Variants in PPAT observed in about 807,000 individuals in gnomAD.
PPAT encodes the protein phosphoribosyl pyrophosphate amidotransferase.
In PPAT, 20 loss-of-function variants were observed where a neutral mutation model predicts 60.2. The observed-to-expected ratio is 0.33, with a 90% CI of 0.23 to 0.48. The LOEUF (loss-of-function observed/expected upper bound fraction) is 0.48. PPAT is among the 20% of genes least tolerant of loss of function. The pLI, the probability that PPAT is intolerant of heterozygous loss-of-function variation, is 0.99. For missense variants in PPAT, 349 were observed against 629.6 expected (o/e 0.55, Z 4.77); for synonymous variants, 194 against 215.1 (o/e 0.90, Z 0.86).
chr4:56,421,838 T>C, intron 1 of PPAT: 1 of 152,192 alleles, frequency 6.6e-6, no homozygotes, highest in Non-Finnish European at 1.5e-5. Flanking sequence ...CCATTAGTTA[T>C]GTCAGAAGAC....
chr4:56,410,192 T>C (rs1330584816), intron 1 of PPAT, among the ~76,000 whole-genome samples: 2 of 152,196 alleles, frequency 1.3e-5, no homozygotes, highest in African/African-American at 2.4e-5. Context: ...TTCAAAACAA[T>C]TTTTAAAAAT....
rs1160095316 is a variant in PPAT at position 56,406,576 on chromosome 4, G to C, written c.321C>G (p.Pro107=). 2 of 1,613,796 alleles carry C rather than the reference G, an allele frequency of 1.2e-6. No homozygotes were observed. Among genetic ancestry groups the C allele is most frequent in the Non-Finnish European group, 1.7e-6 (2 of 1,179,964 alleles). ...TCCCATGAAGTGTTTCAACAACGAA[G>C]GGCTGACAATTTTCTAGTTCACATT... ...TGKCELENCQ[P]FVVETLHGKI... is the part of the protein sequence containing the mutation. Residue 107 remains proline, a synonymous_variant, in exon 3 of 11, where the codon CCC becomes CCG. Coordinates refer to ENST00000264220, the MANE Select transcript of PPAT (RefSeq NM_002703.5).
At chr4:56,417,024 T>C (rs915164289) in intron 1 of PPAT, among the ~76,000 whole-genome samples, 3 of 152,134 alleles carry the variant, frequency 2.0e-5, no homozygotes, top group Non-Finnish European at 4.4e-5. Context: ...TAATTTTGTA[T>C]ATTTAGTAGA....
At chr4:56,429,063 T>A (rs1717440643) in intron 1 of PPAT, 2 of 374,918 alleles carry the variant, frequency 5.3e-6, no homozygotes, top group African/African-American at 2.2e-5. Context: ...TGTTGCTTTT[T>A]CCTGATAACA....
intron 1 of PPAT, among the ~76,000 whole-genome samples, chr4:56,426,509 C>T (rs1369320796): frequency 1.3e-5 from 2 of 152,176 alleles, no homozygotes; most frequent in Non-Finnish European, 2.9e-5. Flanking sequence ...TAAGAATTTG[C>T]CTATTCTGGA....
At chr4:56,398,664 G>A (rs942416319) in intron 9 of PPAT, among the ~76,000 whole-genome samples, 11 of 151,726 alleles carry the variant, frequency 7.2e-5, no homozygotes, top group African/African-American at 2.7e-4. Context: ...CGTCCAGGCT[G>A]GTCTTGAACT....
chr4:56,410,561 G>A (rs1716400515), intron 1 of PPAT: 1 of 986,710 alleles, frequency 1.0e-6, no homozygotes, highest in Non-Finnish European at 1.2e-6. Context: ...GGAGGTTAAA[G>A]CTTTGCTAAG....
At chr4:56,432,557 G>A (rs1367740483) in intron 1 of PPAT, among the ~76,000 whole-genome samples, 6 of 150,220 alleles carry the variant, frequency 4.0e-5, no homozygotes, top group East Asian at 1.9e-4. Flanking sequence ...AGGCCAAGGC[G>A]GGCAGATCAC....
chr4:56,432,293 C>G (rs1266913328), intron 1 of PPAT, among the ~76,000 whole-genome samples: 4 of 151,942 alleles, frequency 2.6e-5, no homozygotes, highest in Non-Finnish European at 5.9e-5. Context: ...TTTGGGAGAC[C>G]GAAGAGGGTG....
intron 1 of PPAT, among the ~76,000 whole-genome samples, chr4:56,424,668 G>A (rs116470493): frequency 8.5e-5 from 13 of 152,320 alleles, no homozygotes; most frequent in African/African-American, 3.1e-4. Context: ...ATAAGCGAGA[G>A]AGGATAAAAG....
intron 1 of PPAT, among the ~76,000 whole-genome samples, chr4:56,427,130 G>A (rs376155789): frequency 2.0e-5 from 3 of 152,054 alleles, no homozygotes; most frequent in African/African-American, 7.2e-5. Context: ...TTCATCCATC[G>A]ATGGTTATCT....
chr4:56,414,439 C>G (rs1360001918), intron 1 of PPAT: 4 of 152,222 alleles, frequency 2.6e-5, no homozygotes, highest in Non-Finnish European at 5.9e-5. Context: ...CATCCTCAGC[C>G]TCAGAATTCC....
At chr4:56,407,515 T>C in intron 2 of PPAT, 135 bp downstream of exon 2, 1 of 625,474 alleles carries the variant, frequency 1.6e-6, no homozygotes, top group Non-Finnish European at 2.9e-6. Context: ...ACAGGGTTTC[T>C]CCATGTTGGT....
intron 10 of PPAT, 128 bp from the exon 11 acceptor site, chr4:56,395,676 A>T (rs969747725): frequency 2.0e-5 from 5 of 250,164 alleles, no homozygotes; most frequent in Non-Finnish European, 1.6e-5. Context: ...CCTTTCTTTA[A>T]AAAAAAAAAA....
chr4:56,417,842 G>GTTTTTTTTTT (rs35004501), intron 1 of PPAT, among the ~76,000 whole-genome samples: 1 of 136,168 alleles, frequency 7.3e-6, no homozygotes, highest in Non-Finnish European at 1.6e-5. Flanking sequence ...TTGGTTTTTT[G>GTTTTTTTTTT]TTTTTTTTTT....
intron 1 of PPAT, among the ~76,000 whole-genome samples, chr4:56,429,173 C>T (rs1019043351): frequency 6.6e-6 from 1 of 152,018 alleles, no homozygotes; most frequent in Admixed American, 6.6e-5. Context: ...TCATAGCTCA[C>T]TGAGTGAAAG....
At chr4:56,420,106 T>G (rs1343695510) in intron 1 of PPAT, 1 of 579,050 alleles carries the variant, frequency 1.7e-6, no homozygotes, top group Non-Finnish European at 2.2e-6. Flanking sequence ...GGTTCAAGGA[T>G]CCCTTTTCCA....
chr4:56,425,400 C>A (rs1400980527), intron 1 of PPAT: 2 of 919,764 alleles, frequency 2.2e-6, no homozygotes, highest in Non-Finnish European at 2.6e-6. Context: ...GAACTTATTA[C>A]TAAAACTTCA....
intron 7 of PPAT, 96 bp from the exon 8 acceptor site, chr4:56,401,007 A>T (rs1337313174): frequency 8.9e-6 from 11 of 1,233,282 alleles, no homozygotes; most frequent in Non-Finnish European, 1.1e-5. Context: ...CAGATTGAGT[A>T]TAAAAAGAAA....
Sources: allele counts gnomAD v4.1 joint callset (sites outside exome capture counted in the v4.1 genomes callset), GRCh38; gene constraint gnomAD v4.1.1; transcripts MANE v1.5; gene names NCBI Gene and HGNC (gene_info 2026-07-23, HGNC 2026-07-21).